KATNIP: variants seen among roughly 807,000 people sequenced by gnomAD.
The protein encoded by KATNIP is katanin interacting protein, also known as katanin-interacting protein.
Under a neutral mutation model 174.0 loss-of-function variants are expected in KATNIP, and 126 were observed. The observed-to-expected ratio is 0.72, with a 90% confidence interval of 0.63 to 0.84. The LOEUF (loss-of-function observed/expected upper bound fraction) is 0.84. Ranked by LOEUF, KATNIP falls within the 40% of genes least tolerant of loss-of-function variation. The pLI is 0.00. For synonymous variants in KATNIP, 810 were observed against 835.7 expected, an observed-to-expected ratio of 0.97 and a Z score of 0.53; for missense variants, 1,958 against 2,109.7, an observed-to-expected ratio of 0.93 and a Z score of 1.41.
At chr16:27,561,459 A>G (rs1038749387) in intron 1 of KATNIP, among the ~76,000 whole-genome samples, 1 of 151,942 alleles carries the variant, frequency 6.6e-6, no homozygotes, top group Non-Finnish European at 1.5e-5. Context: ...TCCTGGCCCA[A>G]TTTCGTTTCC....
At chr16:27,690,832 C>T (rs1017341140) in intron 8 of KATNIP, among the ~76,000 whole-genome samples, 9 of 152,144 alleles carry the variant, frequency 5.9e-5, no homozygotes, top group Non-Finnish European at 1.3e-4. Context: ...CGAAAGGGGG[C>T]GCCATCACCT....
In KATNIP at chr16:27,677,717, G is replaced by A. The variant is rs2078174690; in HGVS notation, c.541-12G>A. The stretch of plus-strand genomic sequence containing the variant: ...ATATTTATCTCTCATCTCTCTTCTG[G>A]GCTTTTTGCAGGAGCTGAGAAGAAG... On this transcript the variant is annotated splice_polypyrimidine_tract_variant and intron_variant, in intron 6 of 27. Transcript: ENST00000261588. The A allele has an allele frequency of 1.3e-6, 2 of 1,597,100 alleles. No homozygotes were observed. Among genetic ancestry groups the A allele is most frequent in the Non-Finnish European group, 8.6e-7 (1 of 1,166,868 alleles).
intron 2 of KATNIP, among the ~76,000 whole-genome samples, chr16:27,574,793 A>ACCTCAGATGATCT (rs11272755): frequency 2.0e-5 from 3 of 151,696 alleles, no homozygotes; most frequent in African/African-American, 7.3e-5. Flanking sequence ...CGAACTCCCG[A>ACCTCAGATGATCT]GCCCGCCTCA....
At chr16:27,729,507 T>C (rs1424581134) in intron 14 of KATNIP, among the ~76,000 whole-genome samples, 2 of 152,196 alleles carry the variant, frequency 1.3e-5, no homozygotes, top group African/African-American at 4.8e-5. Context: ...TAGAAAATCA[T>C]ACCCACCCTA....
chr16:27,586,350 G>A (rs1047008113), intron 2 of KATNIP, among the ~76,000 whole-genome samples: 3 of 152,086 alleles, frequency 2.0e-5, no homozygotes, highest in Non-Finnish European at 2.9e-5. Context: ...GCTCATGCTT[G>A]CAATCCTAGC....
Position 27,776,992 on chromosome 16 carries a change from AT to A in KATNIP, c.4515del (p.Tyr1505Ter), listed in dbSNP as rs2082522214. On this transcript the variant is annotated frameshift_variant, in exon 25 of 28. Transcript: ENST00000261588. LOFTEE classifies it high-confidence loss of function. This position sits in a 1 kb window ranked among gnomAD's most constrained non-coding sequence, Gnocchi z 4.7. Reference protein sequence around the residue: ...TTVSMIKLWNYAKTPHRGVKE... With the variant: ...TTVSMIKLWNXAKTPHRGVKE... ...GTGTCAATGATCAAACTGTGGAATT[AT>A]GCGAAAACACCCCATCGAGGGGTGA... The A allele has an allele frequency of 3.1e-6, 5 of 1,613,788 alleles. No homozygotes were observed. The highest frequency in any genetic ancestry group is 4.2e-6 in the Non-Finnish European group (5 of 1,179,742).
chr16:27,599,947 C>T (rs559869828), intron 2 of KATNIP, among the ~76,000 whole-genome samples: 4 of 152,332 alleles, frequency 2.6e-5, no homozygotes, highest in African/African-American at 7.2e-5. Flanking sequence ...CCCCTCTCCT[C>T]CACAATTAAC....
intron 2 of KATNIP, among the ~76,000 whole-genome samples, chr16:27,610,097 G>T (rs1024760364): frequency 6.6e-6 from 1 of 152,052 alleles, no homozygotes; most frequent in Non-Finnish European, 1.5e-5. Flanking sequence ...ATGGCCACTG[G>T]GATGGCCTTG....
chr16:27,655,215 TA>T (rs2077236868), intron 6 of KATNIP, among the ~76,000 whole-genome samples: 4 of 122,062 alleles, frequency 3.3e-5, no homozygotes, highest in Admixed American at 1.6e-4. Flanking sequence ...TATATATATA[TA>T]TATATATATA....
At chr16:27,656,632 C>G (rs980657068) in intron 6 of KATNIP, among the ~76,000 whole-genome samples, 2 of 150,398 alleles carry the variant, frequency 1.3e-5, no homozygotes, top group Admixed American at 1.3e-4. Flanking sequence ...AGTTCATGTC[C>G]TTTGTAGGGA....
intron 14 of KATNIP, among the ~76,000 whole-genome samples, chr16:27,733,601 A>G (rs1195243364): frequency 1.3e-5 from 2 of 151,524 alleles, no homozygotes; most frequent in East Asian, 3.9e-4. Context: ...ACACACACAC[A>G]CATATGCAGA....
rs2076104550 is a variant in KATNIP at position 27,618,471 on chromosome 16, A to G, written c.110A>G (p.Glu37Gly). ...MVTDFDEKHD[E>G]YLILLQQRNR... is the part of the protein sequence containing the mutation. ...ACAGACTTTGATGAGAAACATGATG[A>G]GTATTTAATATTGCTTCAGCAGAGG... The change falls in exon 3 of 28, where the codon GAG becomes GGG. Residue 37 changes from glutamate to glycine, a missense_variant. Physicochemically the swap from Glu to Gly is moderately conservative, Grantham distance 98. Coordinates refer to ENST00000261588, the MANE Select transcript of KATNIP (RefSeq NM_015202.5). 6.2e-7 allele frequency: 1 copy of G among 1,613,484 alleles called. No individual in the cohort carries two copies. The highest frequency in any genetic ancestry group is 2.2e-5 in the East Asian group (1 of 44,872).
At chr16:27,770,791 C>T (rs868630563) in intron 21 of KATNIP, among the ~76,000 whole-genome samples, 2 of 152,198 alleles carry the variant, frequency 1.3e-5, no homozygotes, top group Non-Finnish European at 2.9e-5. Context: ...GTATGATGCC[C>T]GTTTTACAGA....
At chr16:27,635,359 C>G (rs962518009) in intron 5 of KATNIP, among the ~76,000 whole-genome samples, 4 of 152,132 alleles carry the variant, frequency 2.6e-5, no homozygotes, top group African/African-American at 9.7e-5. Flanking sequence ...GCCTCTACCC[C>G]ACAGAAAGGC....
Position 27,740,697 on chromosome 16 carries a change from G to T in KATNIP, c.2400G>T (p.Glu800Asp), listed in dbSNP as rs780587730. Residue 800 changes from glutamate to aspartate, a missense_variant, in exon 15 of 28, where the codon GAG becomes GAT. Physicochemically the swap from Glu to Asp is conservative, Grantham distance 45. Coordinates refer to ENST00000261588, the MANE Select transcript of KATNIP (RefSeq NM_015202.5). ...ATGTCATCGGTGAGGGTCCTGGAGA[G>T]ACCGAGGCCAGGGATAAAGGCCTAC... ...SDDVIGEGPGETEARDKGLRH... is the reference protein window; with the variant it reads ...SDDVIGEGPGDTEARDKGLRH... 1.2e-6 allele frequency: 2 copies of T among 1,614,106 alleles called. No homozygotes were observed. The highest frequency in any genetic ancestry group is 1.7e-6 in the Non-Finnish European group (2 of 1,180,058).
chr16:27,571,505 G>A (rs2090294471), intron 1 of KATNIP, among the ~76,000 whole-genome samples: 1 of 151,730 alleles, frequency 6.6e-6, no homozygotes, highest in Non-Finnish European at 1.5e-5. Flanking sequence ...AGGTCCCATA[G>A]CTGTCACTTG....
intron 1 of KATNIP, among the ~76,000 whole-genome samples, chr16:27,558,320 A>G (rs1169168511): frequency 2.0e-5 from 3 of 151,856 alleles, no homozygotes; most frequent in South Asian, 4.2e-4. Context: ...TAATTTTTGT[A>G]TTTTTAGTAG....
intron 14 of KATNIP, among the ~76,000 whole-genome samples, chr16:27,723,815 C>CTCCCTCCT (rs2080335660): frequency 6.6e-6 from 1 of 151,952 alleles, no homozygotes; most frequent in South Asian, 2.1e-4. Flanking sequence ...TCCTCCCTCC[C>CTCCCTCCT]TCCCTCCTTC....
At chr16:27,775,776 G>T (rs1391471198) in intron 24 of KATNIP, among the ~76,000 whole-genome samples, 2 of 152,212 alleles carry the variant, frequency 1.3e-5, no homozygotes, top group Non-Finnish European at 2.9e-5. Flanking sequence ...TATGACTAGG[G>T]ATGTGTCCCT....
Sources: allele counts gnomAD v4.1 joint callset (sites outside exome capture counted in the v4.1 genomes callset), GRCh38; gene constraint gnomAD v4.1.1; non-coding constraint Gnocchi (gnomAD v3.1); transcripts MANE v1.5; gene names NCBI Gene and HGNC (gene_info 2026-07-23, HGNC 2026-07-21).